The following GPRIN3 variants were observed in gnomAD, a reference collection of about 807,000 sequenced individuals.
GPRIN3 encodes G protein-regulated inducer of neurite outgrowth 3.
GPRIN3 carries 12 observed loss-of-function variants against 13.7 expected under a neutral mutation model. The observed-to-expected ratio is 0.87, with a 90% CI of 0.56 to 1.42. The LOEUF is 1.42. GPRIN3 is among the 40% of genes most tolerant of loss of function. The pLI is 0.00. For synonymous variants in GPRIN3, 377 were observed against 372.7 expected (o/e 1.01, Z -0.13); for missense variants, 1,009 against 958.7 (o/e 1.05, Z -0.69).
chr4:89,249,591 C>T lies in GPRIN3; in HGVS notation c.520G>A (p.Val174Met). The T allele has an allele frequency of 6.2e-7, 1 of 1,614,170 alleles. No homozygotes were observed. Among genetic ancestry groups the T allele is most frequent in the Non-Finnish European group, 8.5e-7 (1 of 1,180,018 alleles). The change falls in exon 2 of 2, where the codon GTG (valine) becomes ATG (methionine). Residue 174 changes from valine to methionine, a missense_variant. Val to Met is a conservative substitution (Grantham distance 21). Transcript: ENST00000609438. Reference protein sequence around the residue: ...REQPEKPSCPVGGVLSSSKDQ... With the variant: ...REQPEKPSCPMGGVLSSSKDQ... Reference sequence around the variant, plus strand: ...TTGCTGCTACTGAGGACGCCTCCCACAGGACAACTTGGTTTCTCAGGTTGC... The same window carrying T: ...TTGCTGCTACTGAGGACGCCTCCCATAGGACAACTTGGTTTCTCAGGTTGC...
chr4:89,303,819 ATATG>A (rs529606795), intron 1 of GPRIN3, among the ~76,000 whole-genome samples: 40 of 150,176 alleles, frequency 2.7e-4, no homozygotes, highest in African/African-American at 9.0e-4. Context: ...AATATATAAA[ATATG>A]TATGTATGTA....
chr4:89,299,935 G>GA (rs1724848811), intron 1 of GPRIN3, among the ~76,000 whole-genome samples: 1 of 151,968 alleles, frequency 6.6e-6, no homozygotes, highest in African/African-American at 2.4e-5. Context: ...TTAAGGTAAA[G>GA]AAAAAATAAA....
intron 1 of GPRIN3, among the ~76,000 whole-genome samples, chr4:89,260,453 C>T (rs1233320763): frequency 1.3e-5 from 2 of 152,148 alleles, no homozygotes; most frequent in Non-Finnish European, 2.9e-5. Context: ...GGAAAGAACC[C>T]GTCACTCTCT....
chr4:89,243,325 C>T lies in GPRIN3; in HGVS notation c.*4455G>A, dbSNP rs962654985. 4 of 152,082 alleles carry T rather than the reference C, an allele frequency of 2.6e-5. No homozygotes were observed. Among genetic ancestry groups the T allele is most frequent in the African/African-American group, 9.7e-5 (4 of 41,380 alleles). 9.4% of individuals were successfully genotyped at this position (152,082 alleles called of 1,614,324 possible). A position where few individuals can be genotyped will look rare whatever the true frequency, so the allele number is the denominator to read the frequency against. On this transcript the variant is annotated 3_prime_UTR_variant, in exon 2 of 2. Coordinates refer to ENST00000609438, the MANE Select transcript of GPRIN3 (RefSeq NM_198281.3). ...TCTGGACAGATGACATTTGTAATTG[C>T]TCAGCCAGTTGAAGAATTTCATTAA...
chr4:89,274,155 T>C (rs1353816451), intron 1 of GPRIN3, among the ~76,000 whole-genome samples: 1 of 152,196 alleles, frequency 6.6e-6, no homozygotes, highest in Non-Finnish European at 1.5e-5. Context: ...TGAGAAAGAA[T>C]CTAGCACGTA....
Position 89,246,277 on chromosome 4 carries a change from C to G in GPRIN3, c.*1503G>C, listed in dbSNP as rs1311999010. 6.6e-6 allele frequency: 1 copy of G among 152,152 alleles called. No individual in the cohort carries two copies. The highest frequency in any genetic ancestry group is 6.5e-5 in the Admixed American group (1 of 15,284). 9.4% of individuals were successfully genotyped at this position (152,152 alleles called of 1,614,324 possible). A position where few individuals can be genotyped will look rare whatever the true frequency, so the allele number is the denominator to read the frequency against. The stretch of plus-strand genomic sequence containing the variant: ...GAGTTCAAAGAAGACAACCGGTGCC[C>G]CTCCAGCATCTAAGTCTGGTTTTCT... On this transcript the variant is annotated 3_prime_UTR_variant, in exon 2 of 2. Coordinates refer to ENST00000609438, the MANE Select transcript of GPRIN3 (RefSeq NM_198281.3).
At chr4:89,267,890 T>C (rs1723824051) in intron 1 of GPRIN3, among the ~76,000 whole-genome samples, 1 of 152,164 alleles carries the variant, frequency 6.6e-6, no homozygotes, top group Admixed American at 6.6e-5. Context: ...AGCTTCAGCA[T>C]AGTATATTCA....
Position 89,244,305 on chromosome 4 carries a change from T to C in GPRIN3, c.*3475A>G, listed in dbSNP as rs1271091239. The C allele has an allele frequency of 6.6e-6, 1 of 152,208 alleles. No individual in the cohort carries two copies. Among genetic ancestry groups the C allele is most frequent in the Non-Finnish European group, 1.5e-5 (1 of 68,028 alleles). 9.4% of individuals were successfully genotyped at this position (152,208 alleles called of 1,614,324 possible). On this transcript the variant is annotated 3_prime_UTR_variant, in exon 2 of 2. Coordinates refer to ENST00000609438, the MANE Select transcript of GPRIN3 (RefSeq NM_198281.3). The stretch of plus-strand genomic sequence containing the variant: ...ATTTAGTTCAATTTATTTCAATTTT[T>C]ATGTTTAACTTTATAACATGGTGAA...
chr4:89,263,813 G>A (rs1442415838), intron 1 of GPRIN3, among the ~76,000 whole-genome samples: 1 of 152,128 alleles, frequency 6.6e-6, no homozygotes, highest in African/African-American at 2.4e-5. Flanking sequence ...TCAAAGATGT[G>A]CATTTACTAA....
intron 1 of GPRIN3, among the ~76,000 whole-genome samples, chr4:89,290,611 T>C (rs901916893): frequency 3.3e-5 from 5 of 152,202 alleles, no homozygotes; most frequent in African/African-American, 1.2e-4. Flanking sequence ...CATAGTACAG[T>C]GAGGAAACGT....
intron 1 of GPRIN3, among the ~76,000 whole-genome samples, chr4:89,297,684 A>G (rs1359273835): frequency 6.6e-6 from 1 of 152,204 alleles, no homozygotes; most frequent in Non-Finnish European, 1.5e-5. Flanking sequence ...AGGGAGACCA[A>G]TGGAGAGTGG....
intron 1 of GPRIN3, among the ~76,000 whole-genome samples, chr4:89,254,562 T>C (rs1723417329): frequency 6.6e-6 from 1 of 152,024 alleles, no homozygotes; most frequent in South Asian, 2.1e-4. Flanking sequence ...GATCTCATTC[T>C]TTTTTTATGG....
At position 89,244,950 on chromosome 4, in the gene GPRIN3, G is replaced by A. The variant is rs1181231485; in HGVS notation, c.*2830C>T. 2.0e-5 allele frequency: 3 copies of A among 152,204 alleles called. No homozygotes were observed. The highest frequency in any genetic ancestry group is 7.2e-5 in the African/African-American group (3 of 41,450). The allele number at this position is 152,204 out of a possible 1,614,324, so 9.4% of individuals were successfully genotyped here. On this transcript the variant is annotated 3_prime_UTR_variant, in exon 2 of 2. Transcript: ENST00000609438. ...TTTCAACCCAATGTGTGTCATGCAG[G>A]TAAAGTAAGGAAAAAACTGAGCAAG... is the stretch of plus-strand genomic sequence containing the variant.
intron 1 of GPRIN3, among the ~76,000 whole-genome samples, chr4:89,303,608 T>C (rs1724957324): frequency 7.6e-6 from 1 of 132,362 alleles, no homozygotes; most frequent in Admixed American, 7.6e-5. Flanking sequence ...AAACAGTGAT[T>C]ACCAGGGTGA....
chr4:89,257,412 C>T (rs1372861026), intron 1 of GPRIN3, among the ~76,000 whole-genome samples: 1 of 152,194 alleles, frequency 6.6e-6, no homozygotes, highest in African/African-American at 2.4e-5. Flanking sequence ...TTGTCAAATA[C>T]AATTTGAACA....
At chr4:89,261,178 G>A (rs1366993284) in intron 1 of GPRIN3, among the ~76,000 whole-genome samples, 3 of 152,068 alleles carry the variant, frequency 2.0e-5, no homozygotes, top group Non-Finnish European at 2.9e-5. Context: ...TGGAACTATC[G>A]ACATTTTGGA....
At chr4:89,258,623 A>T (rs151075929) in intron 1 of GPRIN3, among the ~76,000 whole-genome samples, 1 of 152,228 alleles carries the variant, frequency 6.6e-6, no homozygotes, top group Admixed American at 6.5e-5. Context: ...AAACTTAGCA[A>T]GGCCTGTTCC....
At chr4:89,302,262 T>C (rs1724919771) in intron 1 of GPRIN3, among the ~76,000 whole-genome samples, 1 of 152,220 alleles carries the variant, frequency 6.6e-6, no homozygotes, top group Non-Finnish European at 1.5e-5. Flanking sequence ...CTGGTCCTTT[T>C]TCCCTTAGCC....
intron 1 of GPRIN3, among the ~76,000 whole-genome samples, chr4:89,254,842 C>T (rs1015230260): frequency 1.3e-5 from 2 of 152,080 alleles, no homozygotes; most frequent in Admixed American, 1.3e-4. Flanking sequence ...CTTTTTCCTT[C>T]CCTTTCTTTT....
Sources: gnomAD v4.1 joint callset for allele counts (sites outside exome capture counted in the v4.1 genomes callset) on GRCh38, gnomAD v4.1.1 for gene constraint, MANE v1.5 for transcripts, NCBI Gene and HGNC (gene_info 2026-07-23, HGNC 2026-07-21) for gene names.